Variants in ABCA8 observed in about 807,000 individuals in gnomAD.
ABCA8 encodes the protein ABC-type organic anion transporter ABCA8.
A neutral mutation model predicts 192.3 loss-of-function variants in ABCA8; 177 were observed. The ratio of observed to expected loss-of-function variants is 0.92; its 90% CI spans 0.81 to 1.04. The LOEUF (loss-of-function observed/expected upper bound fraction) is 1.04, where lower values mean the gene tolerates loss of function less well. Among genes scored for constraint, ABCA8 ranks in the 50% least tolerant of loss-of-function variants. The probability of loss-of-function intolerance (pLI) is 0.00; values close to 1 mark genes in which losing one functional copy is unlikely to be tolerated. For missense variants in ABCA8, 1,915 were observed against 1,904.8 expected (o/e 1.01, Z -0.10); for synonymous variants, 642 against 690.2 (o/e 0.93, Z 1.09).
chr17:68,902,850 G>C lies in ABCA8; in HGVS notation c.2627C>G (p.Pro876Arg). Residue 876 changes from proline to arginine, a missense_variant, in exon 21 of 40, where the codon CCT becomes CGT. Physicochemically the swap from Pro to Arg is moderately radical, Grantham distance 103 (BLOSUM62 -2). Coordinates refer to ENST00000586539, the MANE Select transcript of ABCA8 (RefSeq NM_001288985.2). ...LLLILMAGFCPLLVEYTMVKI... is the reference protein window; with the variant it reads ...LLLILMAGFCRLLVEYTMVKI... ...CACCATGGTATACTCCACAAGAAGA[G>C]GGCAAAATCCAGCCATTAGAATTAA... 3.1e-6 allele frequency: 5 copies of C among 1,612,258 alleles called. No individual in the cohort carries two copies. The highest frequency in any genetic ancestry group is 3.4e-6 in the Non-Finnish European group (4 of 1,179,398).
In ABCA8 at chr17:68,922,225, T is replaced by TAAATTTAAATGA; in HGVS notation, c.1501+16_1501+17insTCATTTAAATTT. 1 of 477,314 alleles carries TAAATTTAAATGA rather than the reference T, an allele frequency of 2.1e-6. No individual in the cohort carries two copies. Among genetic ancestry groups the TAAATTTAAATGA allele is most frequent in the Non-Finnish European group, 3.0e-6 (1 of 332,698 alleles). The allele number at this position is 477,314 out of a possible 1,614,324, so 29.6% of individuals were successfully genotyped here. Reference sequence around the variant, plus strand: ...TTTTTTTTTTTTTTTTTTTTTTTTTTTTTTTTTTTTTTTTACCTTTCAAGG... The same window carrying TAAATTTAAATGA: ...TTTTTTTTTTTTTTTTTTTTTTTTTTAAATTTAAATGATTTTTTTTTTTTTTACCTTTCAAGG... On this transcript the variant is annotated intron_variant, in intron 12 of 39. Transcript: ENST00000586539.
chr17:68,897,144 A>G (rs1242826143), intron 21 of ABCA8, among the ~76,000 whole-genome samples: 1 of 152,230 alleles, frequency 6.6e-6, no homozygotes, highest in African/African-American at 2.4e-5. Flanking sequence ...TTTGAAAACA[A>G]TAGGCCAATC....
At chr17:68,897,934 C>T (rs1472885403) in intron 21 of ABCA8, among the ~76,000 whole-genome samples, 1 of 152,102 alleles carries the variant, frequency 6.6e-6, no homozygotes, top group Non-Finnish European at 1.5e-5. Context: ...GAAAAACAAC[C>T]ACTGAAGAAA....
chr17:68,903,186 C>A, intron 20 of ABCA8, 115 bp downstream of exon 20: 1 of 1,130,440 alleles, frequency 8.8e-7, no homozygotes, highest in Non-Finnish European at 1.3e-6. Context: ...GATGCTTTCC[C>A]TTTCTGCTGC....
Position 68,869,794 on chromosome 17 carries a change from G to T in ABCA8, c.4632-15C>A. The T allele has an allele frequency of 1.3e-6, 2 of 1,564,614 alleles. No individual in the cohort carries two copies. The highest frequency in any genetic ancestry group is 1.8e-6 in the Non-Finnish European group (2 of 1,135,196). On this transcript the variant is annotated splice_polypyrimidine_tract_variant and intron_variant, in intron 37 of 39. Coordinates refer to ENST00000586539, the MANE Select transcript of ABCA8 (RefSeq NM_001288985.2). ...GAGAGGAGTACCTGAGAGAAAAGGA[G>T]AGGTAAGAAGAGTGATACCACTTGT...
rs2065971087 is a variant in ABCA8, at chr17:68,868,493, C to T, written c.4712-137G>A. 12 of 734,916 alleles carry T rather than the reference C, an allele frequency of 1.6e-5. No homozygotes were observed. The South Asian group carries it at 2.0e-4, about 12-fold the overall frequency. The allele number at this position is 734,916 out of a possible 1,614,324, so 45.5% of individuals were successfully genotyped here. ...ATATTCATTCATGTCTTAAGTACATCGTTCAGTTAAGAATACACCAATGCA... is the reference window on the plus strand; with the variant it reads ...ATATTCATTCATGTCTTAAGTACATTGTTCAGTTAAGAATACACCAATGCA... On this transcript the variant is annotated intron_variant, in intron 38 of 39. Transcript: ENST00000586539.
intron 26 of ABCA8, 51 bp from the exon 27 acceptor site, chr17:68,885,366 C>T: frequency 6.5e-7 from 1 of 1,542,326 alleles, no homozygotes. Context: ...AATGTAAGTT[C>T]CAAATCGAGA....
In ABCA8 at chr17:68,917,420, T is replaced by C. The variant is rs78466062; in HGVS notation, c.2079A>G (p.Leu693=). The C allele has an allele frequency of 2.4e-4, 379 of 1,611,898 alleles. No individual in the cohort carries two copies. In the African/African-American group the frequency reaches 4.7e-3, roughly 20 times the overall value. The change falls in exon 17 of 40, where the codon CTA becomes CTG. Residue 693 remains leucine, a synonymous_variant. Transcript: ENST00000586539. ...GAAACAAAGAAGAGCCCGCGCACTT[T>C]AGCTTCCCTTGGGAGAGAAATACTT... is the stretch of plus-strand genomic sequence containing the variant. ...DRKVFLSQGK[L]KCAGSSLFLK...
chr17:68,913,544 T>C (rs1365001981), intron 17 of ABCA8, among the ~76,000 whole-genome samples: 1 of 150,462 alleles, frequency 6.6e-6, no homozygotes, highest in Non-Finnish European at 1.5e-5. Flanking sequence ...CAGAGATAAA[T>C]AGGAGAAATA....
At chr17:68,918,651 G>A in intron 14 of ABCA8, 105 bp from the exon 15 acceptor site, 2 of 1,203,436 alleles carry the variant, frequency 1.7e-6, no homozygotes, top group Non-Finnish European at 2.2e-6. Context: ...CACAAACACT[G>A]GGTCAGGCGC....
chr17:68,927,791 T>C (rs1288262420), intron 10 of ABCA8, 125 bp downstream of exon 10: 13 of 731,852 alleles, frequency 1.8e-5, no homozygotes, highest in Middle Eastern at 8.0e-4. Context: ...GACGACTTTG[T>C]TCCTCTCTTT....
At chr17:68,907,687 A>G (rs1381124133) in intron 18 of ABCA8, 53 bp downstream of exon 18, 3 of 1,435,524 alleles carry the variant, frequency 2.1e-6, no homozygotes, top group Non-Finnish European at 2.8e-6. Flanking sequence ...AATAATTATG[A>G]TGATGATGAC....
At position 68,875,406 on chromosome 17, in the gene ABCA8, G is replaced by A. The variant is rs970259426; in HGVS notation, c.4491-6C>T. The A allele has an allele frequency of 1.2e-6, 2 of 1,613,928 alleles. No homozygotes were observed. The highest frequency in any genetic ancestry group is 1.3e-5 in the African/African-American group (1 of 74,886). On this transcript the variant is annotated splice_region_variant and splice_polypyrimidine_tract_variant and intron_variant, in intron 36 of 39. Transcript: ENST00000586539. Reference sequence around the variant, plus strand: ...GTTGGATGGAACCGATACATCTGGAGGATGAGGTCATATGAGAAAGGAGAA... The same window carrying A: ...GTTGGATGGAACCGATACATCTGGAAGATGAGGTCATATGAGAAAGGAGAA...
chr17:68,932,547 C>A (rs16973452), intron 6 of ABCA8, 33 bp from the exon 7 acceptor site: 8 of 1,425,140 alleles, frequency 5.6e-6, no homozygotes, highest in Non-Finnish European at 6.9e-6. Flanking sequence ...AAAATTTGTA[C>A]GTTAATGAAC....
intron 17 of ABCA8, among the ~76,000 whole-genome samples, chr17:68,915,343 A>G (rs1217206783): frequency 6.6e-6 from 1 of 152,188 alleles, no homozygotes; most frequent in Non-Finnish European, 1.5e-5. Context: ...GAGACAACTC[A>G]TAGAGTAGGA....
rs1243618729 is a variant in ABCA8 at position 68,936,930 on chromosome 17, AT to A, written c.466+20del. ...CATAATTGAAATAGAGAGTAGTGAAATTTTAGAGCCATAAAATTACCTGTAT... is the reference window on the plus strand; with the variant it reads ...CATAATTGAAATAGAGAGTAGTGAAATTTAGAGCCATAAAATTACCTGTAT... On this transcript the variant is annotated intron_variant, in intron 5 of 39. Transcript: ENST00000586539. 1.9e-6 allele frequency: 3 copies of A among 1,541,304 alleles called. No homozygotes were observed. The highest frequency in any genetic ancestry group is 2.6e-6 in the Non-Finnish European group (3 of 1,149,578).
At chr17:68,921,074 A>G (rs1307000786) in intron 13 of ABCA8, among the ~76,000 whole-genome samples, 2 of 152,186 alleles carry the variant, frequency 1.3e-5, no homozygotes, top group Non-Finnish European at 2.9e-5. Flanking sequence ...GCTGGAAACC[A>G]TCATTTTCAG....
At chr17:68,944,359 T>TATACACAC (rs765731645) in intron 2 of ABCA8, among the ~76,000 whole-genome samples, 49 of 69,456 alleles carry the variant, frequency 7.1e-4, no homozygotes, top group Non-Finnish European at 9.0e-4. Flanking sequence ...TATATATATA[T>TATACACAC]ACACATATAC....
chr17:68,922,294 T>C lies in ABCA8; in HGVS notation c.1449A>G (p.Arg483=), dbSNP rs751781385. The part of the protein sequence containing the change: ...EFQGKEAIRI[R]NVTKEYKGKP... The stretch of plus-strand genomic sequence containing the variant: ...TTCCTTTATATTCTTTTGTAACATT[T>C]CTGATTCTGAAAAAAAGAAAAGATA... The change falls in exon 12 of 40, where the codon AGA becomes AGG. Residue 483 remains arginine (R), a synonymous_variant. Transcript: ENST00000586539. 1 of 1,259,704 alleles carries C rather than the reference T, an allele frequency of 7.9e-7. No homozygotes were observed. The highest frequency in any genetic ancestry group is 1.5e-5 in the South Asian group (1 of 67,940). The allele number at this position is 1,259,704 out of a possible 1,614,324, so 78.0% of individuals were successfully genotyped here. A position where few individuals can be genotyped will look rare whatever the true frequency, so the allele number is the denominator to read the frequency against.
Sources: gnomAD v4.1 joint callset for allele counts (sites outside exome capture counted in the v4.1 genomes callset) on GRCh38, gnomAD v4.1.1 for gene constraint, MANE v1.5 for transcripts, NCBI Gene and HGNC (gene_info 2026-07-23, HGNC 2026-07-21) for gene names.